WTIP: variants seen among roughly 807,000 people sequenced by gnomAD.
The protein encoded by WTIP is Wilms tumor protein 1-interacting protein.
WTIP carries 23 observed loss-of-function variants against 41.7 expected under a neutral mutation model. The observed-to-expected ratio is 0.55, with a 90% CI of 0.40 to 0.78. WTIP has a LOEUF of 0.78. Ranked by LOEUF, WTIP falls within the 30% of genes least tolerant of loss-of-function variation. The pLI, the probability that WTIP is intolerant of heterozygous loss-of-function variation, is 0.00. For missense variants in WTIP, 619 were observed against 610.5 expected (o/e 1.01, Z -0.15); for synonymous variants, 314 against 269.9 (o/e 1.16, Z -1.60).
At chr19:34,484,697 G>A (rs969708580) in intron 1 of WTIP, among the ~76,000 whole-genome samples, 2 of 152,212 alleles carry the variant, frequency 1.3e-5, no homozygotes, top group Admixed American at 1.3e-4. Context: ...TATGATATAG[G>A]GGTGGCTGAG....
Position 34,482,220 on chromosome 19 carries a change from C to G in WTIP, c.246C>G (p.Ser82Arg), listed in dbSNP as rs1446814622. Residue 82 changes from serine to arginine, a missense_variant, in exon 1 of 8, where the codon AGC (serine) becomes AGG (arginine). Physicochemically the swap from Ser to Arg is moderately radical, Grantham distance 110. Coordinates refer to ENST00000590071, the MANE Select transcript of WTIP (RefSeq NM_001080436.2). ...GGCGCGCGGCGGTTCCGGAGCTCAGCGCGCAGCCTGCGGGCAGCCCACGGG... is the reference window on the plus strand; with the variant it reads ...GGCGCGCGGCGGTTCCGGAGCTCAGGGCGCAGCCTGCGGGCAGCCCACGGG... ...GPRRAAVPEL[S>R]AQPAGSPRAS... 6 of 1,155,828 alleles carry G rather than the reference C, an allele frequency of 5.2e-6. No homozygotes were observed. In the South Asian group the frequency reaches 1.2e-4, roughly 23 times the overall value. 71.6% of individuals were successfully genotyped at this position (1,155,828 alleles called of 1,614,324 possible).
chr19:34,493,135 G>C lies in WTIP; in HGVS notation c.837+31G>C. On this transcript the variant is annotated intron_variant, in intron 3 of 7. Transcript: ENST00000590071. This position sits in a 1 kb window ranked among gnomAD's most constrained non-coding sequence, Gnocchi z 4.1. Reference sequence around the variant, plus strand: ...TCCAAGCTGTGCCCTGGCAGTGCCAGGGGTGGGAGGTGGGGCAGGGACCCT... The same window carrying C: ...TCCAAGCTGTGCCCTGGCAGTGCCACGGGTGGGAGGTGGGGCAGGGACCCT... 1 of 1,613,900 alleles carries C rather than the reference G, an allele frequency of 6.2e-7. No individual in the cohort carries two copies. Among genetic ancestry groups the C allele is most frequent in the Non-Finnish European group, 8.5e-7 (1 of 1,179,820 alleles).
intron 1 of WTIP, among the ~76,000 whole-genome samples, chr19:34,487,798 G>A (rs1232354141): frequency 1.3e-5 from 2 of 152,176 alleles, no homozygotes; most frequent in African/African-American, 2.4e-5. Context: ...CAGAGGGCAG[G>A]TGGAGGCCAT....
Position 34,496,966 on chromosome 19 carries a change from A to C in WTIP, c.1152+1195A>C, listed in dbSNP as rs184434642. On this transcript the variant is annotated intron_variant, in intron 7 of 7. Transcript: ENST00000590071. Reference sequence around the variant, plus strand: ...CAAGCTCCGCCTCCTGGGTTCAAGCAATTCTCCTGCCTCAGCCTCCTGAGT... The same window carrying C: ...CAAGCTCCGCCTCCTGGGTTCAAGCCATTCTCCTGCCTCAGCCTCCTGAGT... Among the ~76,000 whole-genome samples the C allele has an allele frequency of 8.4e-3, 1,275 of 151,998 alleles. 15 individuals are homozygous for C. Among genetic ancestry groups the C allele is most frequent in the African/African-American group, 0.03 (1,227 of 41,420 alleles).
In WTIP at chr19:34,496,500, C is replaced by A. The variant is rs369591923; in HGVS notation, c.1152+729C>A. Among the ~76,000 whole-genome samples, 58 of 152,250 alleles carry A rather than the reference C, an allele frequency of 3.8e-4. 1 individual carries two copies. The South Asian group carries it at 0.011, about 29-fold the overall frequency. ...ATTTTATGGCGTCTACCCCATTCTA[C>A]CTGTCCTTTTCCTGCCCCGCAGAGA... is the stretch of plus-strand genomic sequence containing the variant. On this transcript the variant is annotated intron_variant, in intron 7 of 7. Transcript: ENST00000590071.
At position 34,510,873 on chromosome 19, in the gene WTIP, A is replaced by G. The variant is rs1429098107; in HGVS notation, c.*10604A>G. ...AGAATCACCTTTGCTCCAGTTCCCA[A>G]CAAGTTCCTCATCTCCATCTGAGAC... On this transcript the variant is annotated 3_prime_UTR_variant, in exon 8 of 8. Coordinates refer to ENST00000590071, the MANE Select transcript of WTIP (RefSeq NM_001080436.2). 1 of 152,274 alleles carries G rather than the reference A, an allele frequency of 6.6e-6. No homozygotes were observed. The highest frequency in any genetic ancestry group is 2.4e-5 in the African/African-American group (1 of 41,466). 9.4% of individuals were successfully genotyped at this position (152,274 alleles called of 1,614,324 possible).
chr19:34,482,258 G>A lies in WTIP; in HGVS notation c.284G>A (p.Gly95Glu). Residue 95 changes from glycine to glutamate, a missense_variant, in exon 1 of 8, where the codon GGG becomes GAG. This residue lies in a region of WTIP where 363 missense variants were observed against 309.0 expected (regional missense o/e 1.17). Coordinates refer to ENST00000590071, the MANE Select transcript of WTIP (RefSeq NM_001080436.2). ...GGCAGCCCACGGGCCAGCCTGGCGG[G>A]GTCCGACGGCGGCGGCGGTGGCGGC... The part of the protein sequence containing the change: ...PAGSPRASLA[G>E]SDGGGGGGSA... 1.6e-6 allele frequency: 2 copies of A among 1,283,782 alleles called. No individual in the cohort carries two copies. Among genetic ancestry groups the A allele is most frequent in the South Asian group, 1.8e-5 (1 of 54,476 alleles). 79.5% of individuals were successfully genotyped at this position (1,283,782 alleles called of 1,614,324 possible).
rs2075884724 is a variant in WTIP, at chr19:34,501,219, A to G, written c.*950A>G. On this transcript the variant is annotated 3_prime_UTR_variant, in exon 8 of 8. Coordinates refer to ENST00000590071, the MANE Select transcript of WTIP (RefSeq NM_001080436.2). ...TTTTAAAGCAAATGCCGGCAAACTC[A>G]CAAGTGTCTAGTTTGTCTGTTACGG... The G allele has an allele frequency of 6.5e-6, 1 of 152,674 alleles. No homozygotes were observed. Among genetic ancestry groups the G allele is most frequent in the African/African-American group, 2.4e-5 (1 of 41,458 alleles). 9.5% of individuals were successfully genotyped at this position (152,674 alleles called of 1,614,324 possible). A position where few individuals can be genotyped will look rare whatever the true frequency, so the allele number is the denominator to read the frequency against.
intron 7 of WTIP, among the ~76,000 whole-genome samples, chr19:34,498,326 C>A (rs993965127): frequency 6.6e-6 from 1 of 152,196 alleles, no homozygotes; most frequent in Non-Finnish European, 1.5e-5. Context: ...CATCCCTTCA[C>A]CCTGCTCCAG....
rs768738434 is a variant in WTIP at position 34,510,442 on chromosome 19, A to C, written c.*10173A>C. 1 of 152,272 alleles carries C rather than the reference A, an allele frequency of 6.6e-6. No individual in the cohort carries two copies. The highest frequency in any genetic ancestry group is 1.5e-5 in the Non-Finnish European group (1 of 68,108). The allele number at this position is 152,272 out of a possible 1,614,324, so 9.4% of individuals were successfully genotyped here. On this transcript the variant is annotated 3_prime_UTR_variant, in exon 8 of 8. Transcript: ENST00000590071. ...CAAGGCAGCAAGTCCTAGGCTGCAC[A>C]CAACATGGGGACTTTGGGTCCAGCC...
At position 34,500,334 on chromosome 19, in the gene WTIP, G is replaced by A. The variant is rs563982598; in HGVS notation, c.*65G>A. ...TGTGGAGGGAGGGCCCGCGTGGGTG[G>A]CCCTGGTCAGCGTCAGGGGAGCTCC... On this transcript the variant is annotated 3_prime_UTR_variant, in exon 8 of 8. Transcript: ENST00000590071. 8 of 1,466,810 alleles carry A rather than the reference G, an allele frequency of 5.5e-6. No individual in the cohort carries two copies. The highest frequency in any genetic ancestry group is 7.2e-6 in the Non-Finnish European group (8 of 1,104,442). The allele number at this position is 1,466,810 out of a possible 1,614,324, so 90.9% of individuals were successfully genotyped here.
chr19:34,494,859 T>C (rs2075844828), intron 6 of WTIP, among the ~76,000 whole-genome samples: 2 of 152,248 alleles, frequency 1.3e-5, no homozygotes, highest in Admixed American at 6.5e-5. Flanking sequence ...GCCGCTCAGC[T>C]GCCCCACTGC....
In WTIP at chr19:34,493,266, T is replaced by G; in HGVS notation, c.841T>G (p.Ser281Ala). 1 of 1,613,702 alleles carries G rather than the reference T, an allele frequency of 6.2e-7. No homozygotes were observed. Among genetic ancestry groups the G allele is most frequent in the Non-Finnish European group, 8.5e-7 (1 of 1,179,828 alleles). Reference sequence around the variant, plus strand: ...TGGATCCTGTGTCCCCTCCCAGTACTCCGGGTTCCAGCAGACGGCCGACAA... The same window carrying G: ...TGGATCCTGTGTCCCCTCCCAGTACGCCGGGTTCCAGCAGACGGCCGACAA... ...KVYCQEDFLY[S>A]GFQQTADKCS... Residue 281 changes from serine to alanine, a missense_variant, in exon 4 of 8, where the codon TCC becomes GCC. Ser to Ala is a moderately conservative substitution (Grantham distance 99, BLOSUM62 1). Coordinates refer to ENST00000590071, the MANE Select transcript of WTIP (RefSeq NM_001080436.2). The surrounding 1 kb of genome is among the most constrained non-coding windows in gnomAD (Gnocchi z 4.1).
At position 34,502,241 on chromosome 19, in the gene WTIP, C is replaced by CA. The variant is rs559924294; in HGVS notation, c.*1972_*1973insA. On this transcript the variant is annotated 3_prime_UTR_variant, in exon 8 of 8. Coordinates refer to ENST00000590071, the MANE Select transcript of WTIP (RefSeq NM_001080436.2). ...AAAGTGCTGGGATTACAGGTGTGTA[C>CA]CACTGTGCCCGGCTTTTTTTTTTTT... is the stretch of plus-strand genomic sequence containing the variant. 89 of 147,204 alleles carry CA rather than the reference C, an allele frequency of 6.0e-4. 1 individual carries two copies. Among genetic ancestry groups the CA allele is most frequent in the African/African-American group, 1.9e-3 (74 of 38,730 alleles). The allele number at this position is 147,204 out of a possible 1,614,324, so 9.1% of individuals were successfully genotyped here. A position where few individuals can be genotyped will look rare whatever the true frequency, so the allele number is the denominator to read the frequency against.
intron 1 of WTIP, among the ~76,000 whole-genome samples, chr19:34,483,179 CT>C (rs2075779114): frequency 8.7e-6 from 1 of 114,302 alleles, no homozygotes; most frequent in African/African-American, 3.4e-5. Flanking sequence ...TTTTCTTCTT[CT>C]TACTTTTTTT....
Position 34,482,092 on chromosome 19 carries a change from G to C in WTIP, c.118G>C (p.Gly40Arg). Reference protein sequence around the residue: ...PGRGRRGPRPGPGDEAAPALG... With the variant: ...PGRGRRGPRPRPGDEAAPALG... ...TCGGGGGCGGCGGGGGCCGCGGCCTGGGCCTGGAGACGAGGCGGCGCCCGC... is the reference window on the plus strand; with the variant it reads ...TCGGGGGCGGCGGGGGCCGCGGCCTCGGCCTGGAGACGAGGCGGCGCCCGC... Residue 40 changes from glycine (G) to arginine (R), a missense_variant, in exon 1 of 8, where the codon GGG (glycine) becomes CGG (arginine). Around this residue, in one of 3 missense-constraint regions of WTIP, gnomAD observed 363 missense variants for 309.0 expected, o/e 1.17. Transcript: ENST00000590071. 1 of 1,040,900 alleles carries C rather than the reference G, an allele frequency of 9.6e-7. No individual in the cohort carries two copies. The highest frequency in any genetic ancestry group is 4.4e-5 in the South Asian group (1 of 22,712). The allele number at this position is 1,040,900 out of a possible 1,614,324, so 64.5% of individuals were successfully genotyped here.
At chr19:34,490,246 G>A (rs573829498) in intron 1 of WTIP, 130 bp from the exon 2 acceptor site, 19 of 747,898 alleles carry the variant, frequency 2.5e-5, no homozygotes, top group African/African-American at 1.9e-4. Context: ...ATCAGTAATC[G>A]AGTGATGTTG....
rs981550870 is a variant in WTIP at position 34,482,740 on chromosome 19, G to T, written c.667+99G>T. 4.2e-6 allele frequency: 5 copies of T among 1,200,502 alleles called. No homozygotes were observed. In the Admixed American group the frequency reaches 2.2e-4, roughly 53 times the overall value. 74.4% of individuals were successfully genotyped at this position (1,200,502 alleles called of 1,614,324 possible). On this transcript the variant is annotated intron_variant, in intron 1 of 7. Transcript: ENST00000590071. ...CGGCCGGATCAGCGGAGGAGAGCAC[G>T]GGGCTGGCTGGGGGTGCAGCAGTGC...
rs2075888329 is a variant in WTIP at position 34,501,793 on chromosome 19, A to G, written c.*1524A>G. ...GGTGGTCAGGGAGCCTTAGCCAGGG[A>G]CTTACACAGCGTGGAGAGCGCTGCA... On this transcript the variant is annotated 3_prime_UTR_variant, in exon 8 of 8. Coordinates refer to ENST00000590071, the MANE Select transcript of WTIP (RefSeq NM_001080436.2). 1 of 152,458 alleles carries G rather than the reference A, an allele frequency of 6.6e-6. No homozygotes were observed. Among genetic ancestry groups the G allele is most frequent in the African/African-American group, 2.4e-5 (1 of 41,452 alleles). The allele number at this position is 152,458 out of a possible 1,614,324, so 9.4% of individuals were successfully genotyped here. A position where few individuals can be genotyped will look rare whatever the true frequency, so the allele number is the denominator to read the frequency against.
Sources: gnomAD v4.1 joint callset for allele counts (sites outside exome capture counted in the v4.1 genomes callset) on GRCh38, gnomAD v4.1.1 for gene constraint, gnomAD v4.1.1 regional missense constraint, Gnocchi (gnomAD v3.1) non-coding constraint, MANE v1.5 for transcripts, NCBI Gene and HGNC (gene_info 2026-07-23, HGNC 2026-07-21) for gene names.